Variants in IGF2BP2 observed in about 807,000 individuals in gnomAD.
The protein encoded by IGF2BP2 is insulin-like growth factor 2 mRNA-binding protein 2.
IGF2BP2 carries 17 observed loss-of-function variants against 75.8 expected under a neutral mutation model. The observed-to-expected ratio is 0.22, with a 90% confidence interval of 0.15 to 0.34. The LOEUF (loss-of-function observed/expected upper bound fraction) is 0.34. Among genes scored for constraint, IGF2BP2 ranks in the 10% least tolerant of loss-of-function variants. The pLI, the probability that IGF2BP2 is intolerant of heterozygous loss-of-function variation, is 1.00. For synonymous variants in IGF2BP2, 288 were observed against 295.6 expected, an observed-to-expected ratio of 0.97 and a Z score of 0.26; for missense variants, 516 against 772.4, an observed-to-expected ratio of 0.67 and a Z score of 3.93.
intron 2 of IGF2BP2, among the ~76,000 whole-genome samples, chr3:185,713,683 GAAGT>G (rs1454711066): frequency 6.6e-6 from 1 of 152,078 alleles, no homozygotes; most frequent in Non-Finnish European, 1.5e-5. Context: ...TTATATTTTA[GAAGT>G]AAGTGCTACA....
chr3:185,755,734 T>C (rs1034455778), intron 2 of IGF2BP2, among the ~76,000 whole-genome samples: 1 of 152,212 alleles, frequency 6.6e-6, no homozygotes, highest in African/African-American at 2.4e-5. Context: ...ATGGGGCCTA[T>C]TACCCTTTCC....
intron 2 of IGF2BP2, chr3:185,820,932 A>G: frequency 7.1e-7 from 1 of 1,400,892 alleles, no homozygotes; most frequent in Non-Finnish European, 9.6e-7. Context: ...TAACTTGTTA[A>G]TATTCACAGA....
intron 2 of IGF2BP2, among the ~76,000 whole-genome samples, chr3:185,756,662 C>A (rs1261408488): frequency 1.3e-5 from 2 of 152,156 alleles, no homozygotes; most frequent in African/African-American, 4.8e-5. Flanking sequence ...TTTTGATAAT[C>A]TTTCTCTGCT....
At chr3:185,668,483 T>G (rs1717987419) in intron 10 of IGF2BP2, among the ~76,000 whole-genome samples, 1 of 141,192 alleles carries the variant, frequency 7.1e-6, no homozygotes, top group Non-Finnish European at 1.5e-5. Flanking sequence ...AAAGTTCATT[T>G]GTTCGAGAGA....
At chr3:185,770,900 A>G (rs1298305142) in intron 2 of IGF2BP2, among the ~76,000 whole-genome samples, 3 of 152,182 alleles carry the variant, frequency 2.0e-5, no homozygotes, top group South Asian at 2.1e-4. Flanking sequence ...ACAGATGTGC[A>G]TGACCACATC....
chr3:185,780,313 C>T (rs1249727523), intron 2 of IGF2BP2, among the ~76,000 whole-genome samples: 3 of 152,168 alleles, frequency 2.0e-5, no homozygotes, highest in Non-Finnish European at 4.4e-5. Flanking sequence ...TTATGATGTT[C>T]TATTTGCTTA....
At position 185,675,851 on chromosome 3, in the gene IGF2BP2, T is replaced by C. The variant is rs760989040; in HGVS notation, c.875A>G (p.Lys292Arg). 2 of 1,614,038 alleles carry C rather than the reference T, an allele frequency of 1.2e-6. No homozygotes were observed. Among genetic ancestry groups the C allele is most frequent in the South Asian group, 1.1e-5 (1 of 91,078 alleles). The part of the protein sequence containing the change: ...HNGLVGRLIG[K>R]EGRNLKKIEH... Reference sequence around the variant, plus strand: ...AATTTTCTTCAAATTTCTGCCTTCTTTTCCAATCAGTCTTCCAACCAAGCC... The same window carrying C: ...AATTTTCTTCAAATTTCTGCCTTCTCTTCCAATCAGTCTTCCAACCAAGCC... Residue 292 changes from lysine to arginine, a missense_variant, in exon 8 of 16, where the codon AAA becomes AGA. Physicochemically the swap from Lys to Arg is conservative, Grantham distance 26 (BLOSUM62 2). Around this residue, in one of 3 missense-constraint regions of IGF2BP2, gnomAD observed 312 missense variants for 474.5 expected, o/e 0.66. Coordinates refer to ENST00000382199, the MANE Select transcript of IGF2BP2 (RefSeq NM_006548.6).
intron 2 of IGF2BP2, among the ~76,000 whole-genome samples, chr3:185,815,936 A>G (rs1740542101): frequency 6.6e-6 from 1 of 152,188 alleles, no homozygotes; most frequent in Non-Finnish European, 1.5e-5. Flanking sequence ...TACTATCCCT[A>G]TTAACACTCA....
At chr3:185,757,496 GCT>G (rs1731786311) in intron 2 of IGF2BP2, among the ~76,000 whole-genome samples, 1 of 89,212 alleles carries the variant, frequency 1.1e-5, no homozygotes, top group Non-Finnish European at 2.1e-5. Context: ...ACAGAGTTTT[GCT>G]CTGTCACCCA....
At chr3:185,800,741 A>AGAAC in intron 2 of IGF2BP2, among the ~76,000 whole-genome samples, 1 of 151,722 alleles carries the variant, frequency 6.6e-6, no homozygotes, top group African/African-American at 2.4e-5. Flanking sequence ...AAAGAAAGAA[A>AGAAC]GTACTTGCTG....
At chr3:185,811,873 TC>T (rs1739923785) in intron 2 of IGF2BP2, among the ~76,000 whole-genome samples, 1 of 52,712 alleles carries the variant, frequency 1.9e-5, no homozygotes, top group Non-Finnish European at 3.2e-5. Flanking sequence ...TCTCTCTCTC[TC>T]TCTCCCCCTC....
In IGF2BP2 at chr3:185,687,074, C is replaced by T. The variant is rs770022292; in HGVS notation, c.795G>A (p.Glu265=). Residue 265 remains glutamate (E), a synonymous_variant, in exon 7 of 16, where the codon GAG becomes GAA. Transcript: ENST00000382199. ...AAACTTACAGTTTGGTCTCATCTGCCTCTTTCTGCATGATTTCAAGAATCA... is the reference window on the plus strand; with the variant it reads ...AAACTTACAGTTTGGTCTCATCTGCTTCTTTCTGCATGATTTCAAGAATCA... ...CRMILEIMQK[E]ADETKLAEEI... 13 of 1,612,836 alleles carry T rather than the reference C, an allele frequency of 8.1e-6. No individual in the cohort carries two copies. In the African/African-American group the frequency reaches 1.7e-4, roughly 22 times the overall value.
chr3:185,659,523 C>A (rs1716065220), intron 10 of IGF2BP2, among the ~76,000 whole-genome samples: 1 of 149,954 alleles, frequency 6.7e-6, no homozygotes. Context: ...TACAGGCACC[C>A]CCCACCACGC....
At chr3:185,664,450 C>T (rs1716965598) in intron 10 of IGF2BP2, among the ~76,000 whole-genome samples, 1 of 152,148 alleles carries the variant, frequency 6.6e-6, no homozygotes, top group Admixed American at 6.5e-5. Context: ...GAATCACCAG[C>T]ATGAAGGAGA....
At chr3:185,677,068 TAGAGAGAGAGAG>T (rs71164535) in intron 7 of IGF2BP2, among the ~76,000 whole-genome samples, 16 of 35,862 alleles carry the variant, frequency 4.5e-4, no homozygotes, top group African/African-American at 1.6e-3. Flanking sequence ...TATATATATA[TAGAGAGAGAGAG>T]AGAGAGAGAG....
chr3:185,793,068 G>C (rs1736865339), intron 2 of IGF2BP2, among the ~76,000 whole-genome samples: 2 of 152,246 alleles, frequency 1.3e-5, no homozygotes, highest in South Asian at 4.2e-4. Context: ...CACATTACAG[G>C]GGTGGTTACA....
chr3:185,823,921 C>A (rs997029451), intron 1 of IGF2BP2, among the ~76,000 whole-genome samples: 6 of 151,898 alleles, frequency 4.0e-5, no homozygotes, highest in African/African-American at 7.3e-5. Context: ...CGCTCGCGGG[C>A]CCCCCGGTCG....
chr3:185,815,433 G>C (rs1007021531), intron 2 of IGF2BP2, among the ~76,000 whole-genome samples: 7 of 152,168 alleles, frequency 4.6e-5, no homozygotes, highest in Non-Finnish European at 7.3e-5. Flanking sequence ...ATTCAAATGA[G>C]ATGGACAACA....
At chr3:185,763,035 C>T (rs186741376) in intron 2 of IGF2BP2, among the ~76,000 whole-genome samples, 1 of 152,070 alleles carries the variant, frequency 6.6e-6, no homozygotes, top group African/African-American at 2.4e-5. Flanking sequence ...TTAGAATCAC[C>T]TGTATAGATG....
Sources: allele counts gnomAD v4.1 joint callset (sites outside exome capture counted in the v4.1 genomes callset), GRCh38; gene constraint gnomAD v4.1.1; regional missense constraint gnomAD v4.1.1; transcripts MANE v1.5; gene names NCBI Gene and HGNC (gene_info 2026-07-23, HGNC 2026-07-21).